Variants in ATP8A2 observed in about 807,000 individuals in gnomAD.
ATP8A2 encodes the protein ATPase phospholipid transporting 8A2, also known as phospholipid-transporting ATPase IB.
In ATP8A2, 100 loss-of-function variants were observed where a neutral mutation model predicts 165.6. The observed-to-expected ratio is 0.60, with a 90% confidence interval of 0.51 to 0.71. The LOEUF is 0.71. ATP8A2 is among the 30% of genes least tolerant of loss of function. The pLI, the probability that ATP8A2 is intolerant of heterozygous loss-of-function variation, is 0.00. For synonymous variants in ATP8A2, 543 were observed against 548.8 expected (o/e 0.99, Z 0.15); for missense variants, 1,227 against 1,479.5 (o/e 0.83, Z 2.80).
At chr13:25,824,999 T>A (rs1356219784) in intron 27 of ATP8A2, among the ~76,000 whole-genome samples, 1 of 152,018 alleles carries the variant, frequency 6.6e-6, no homozygotes, top group East Asian at 1.9e-4. Context: ...TTGAAAACTT[T>A]TTTTACTTGG....
intron 24 of ATP8A2, among the ~76,000 whole-genome samples, chr13:25,643,379 G>A (rs1321611379): frequency 6.6e-6 from 1 of 151,982 alleles, no homozygotes; most frequent in African/African-American, 2.4e-5. Flanking sequence ...GCAGTTTTTT[G>A]TTGTTATGAC....
intron 30 of ATP8A2, among the ~76,000 whole-genome samples, chr13:25,848,027 C>G (rs975312484): frequency 6.6e-6 from 1 of 152,216 alleles, no homozygotes; most frequent in African/African-American, 2.4e-5. Context: ...GCATACCTAC[C>G]CTGCCTCACC....
At chr13:25,508,672 G>A (rs922491311) in intron 2 of ATP8A2, among the ~76,000 whole-genome samples, 2 of 152,168 alleles carry the variant, frequency 1.3e-5, no homozygotes, top group African/African-American at 4.8e-5. Flanking sequence ...AGATGGAAAC[G>A]TATATAGGTT....
chr13:25,516,214 TC>T (rs2037463949), intron 2 of ATP8A2, among the ~76,000 whole-genome samples: 1 of 152,300 alleles, frequency 6.6e-6, no homozygotes, highest in Admixed American at 6.5e-5. Context: ...ATGTTGTAGT[TC>T]CTGAACCCTG....
At chr13:25,530,721 G>A in intron 4 of ATP8A2, 61 bp downstream of exon 4, 2 of 1,030,430 alleles carry the variant, frequency 1.9e-6, no homozygotes, top group Non-Finnish European at 2.9e-6. Context: ...CTTATGTGTT[G>A]CCTCGGGTGA....
At chr13:25,678,265 A>G (rs1243848568) in intron 24 of ATP8A2, among the ~76,000 whole-genome samples, 2 of 152,142 alleles carry the variant, frequency 1.3e-5, no homozygotes, top group Non-Finnish European at 2.9e-5. Context: ...GGGAAAACAG[A>G]GTTCTGTGTC....
At chr13:25,535,372 G>A (rs1408359898) in intron 6 of ATP8A2, among the ~76,000 whole-genome samples, 1 of 152,168 alleles carries the variant, frequency 6.6e-6, no homozygotes, top group Non-Finnish European at 1.5e-5. Flanking sequence ...TTGACTTCGA[G>A]AGGATCTTTC....
chr13:25,377,570 C>T (rs979819013), intron 1 of ATP8A2, among the ~76,000 whole-genome samples: 4 of 152,050 alleles, frequency 2.6e-5, no homozygotes, highest in Admixed American at 6.5e-5. Context: ...GAGGCCGAGA[C>T]GGGTGGATCA....
intron 1 of ATP8A2, among the ~76,000 whole-genome samples, chr13:25,411,505 C>T (rs538298586): frequency 6.6e-6 from 1 of 152,262 alleles, no homozygotes; most frequent in East Asian, 1.9e-4. Flanking sequence ...AGTTGTCTAT[C>T]TTGTCAGCAA....
chr13:25,378,137 A>G (rs537558161), intron 1 of ATP8A2, among the ~76,000 whole-genome samples: 1 of 152,070 alleles, frequency 6.6e-6, no homozygotes, highest in African/African-American at 2.4e-5. Context: ...AAAAGAGCAC[A>G]TGAATGATGC....
chr13:25,469,133 C>A lies in ATP8A2; in HGVS notation c.221+12C>A. 6.2e-7 allele frequency: 1 copy of A among 1,613,004 alleles called. No individual in the cohort carries two copies. Among genetic ancestry groups the A allele is most frequent in the South Asian group, 1.1e-5 (1 of 91,004 alleles). ...GACAACCAGATCAGGTAGGAGAAGGCGGCCGGCTCGCGCGGAAGGCGGTGG... is the reference window on the plus strand; with the variant it reads ...GACAACCAGATCAGGTAGGAGAAGGAGGCCGGCTCGCGCGGAAGGCGGTGG... On this transcript the variant is annotated intron_variant, in intron 2 of 36. Transcript: ENST00000381655.
chr13:25,578,844 A>G lies in ATP8A2; in HGVS notation c.1812A>G (p.Lys604=). ...ATGTGATTTTTGAGAGACTTTCAAA[A>G]GACTCAAAATATATGGAGGAAACAT... The part of the protein sequence containing the change: ...ADNVIFERLS[K]DSKYMEETLC... Residue 604 remains lysine (K), a synonymous_variant, in exon 21 of 37, where the codon AAA becomes AAG. Transcript: ENST00000381655. 6.2e-7 allele frequency: 1 copy of G among 1,609,392 alleles called. No homozygotes were observed. Among genetic ancestry groups the G allele is most frequent in the South Asian group, 1.1e-5 (1 of 90,970 alleles).
At chr13:25,720,148 C>T (rs189544473) in intron 25 of ATP8A2, among the ~76,000 whole-genome samples, 61 of 148,978 alleles carry the variant, frequency 4.1e-4, no homozygotes, top group African/African-American at 1.4e-3. Flanking sequence ...ACATGACCTC[C>T]GATAAATGTA....
chr13:25,883,204 TCC>T (rs1214144540), intron 33 of ATP8A2, among the ~76,000 whole-genome samples: 2 of 151,996 alleles, frequency 1.3e-5, no homozygotes, highest in Non-Finnish European at 2.9e-5. Flanking sequence ...GCTCTCCCTC[TCC>T]AGTGTGTGGC....
chr13:25,488,098 C>T lies in ATP8A2; in HGVS notation c.221+18977C>T, dbSNP rs550759309. On this transcript the variant is annotated intron_variant, in intron 2 of 36. Coordinates refer to ENST00000381655, the MANE Select transcript of ATP8A2 (RefSeq NM_016529.6). ...GACACAGTACAGTGGCCGTGGATAT[C>T]GTATATCCCTTCCTGTTTGACAGGT... is the stretch of plus-strand genomic sequence containing the variant. 2.4e-4 allele frequency among the ~76,000 whole-genome samples: 36 copies of T among 152,272 alleles called. No homozygotes were observed. In the South Asian group the frequency reaches 5.4e-3, roughly 23 times the overall value.
At chr13:25,433,147 AT>A (rs1241728444) in intron 1 of ATP8A2, among the ~76,000 whole-genome samples, 1 of 152,190 alleles carries the variant, frequency 6.6e-6, no homozygotes, top group Non-Finnish European at 1.5e-5. Context: ...GGTCAAAGGC[AT>A]TTTCCCATAG....
intron 2 of ATP8A2, among the ~76,000 whole-genome samples, chr13:25,487,407 T>G (rs1440888660): frequency 6.6e-6 from 1 of 152,216 alleles, no homozygotes; most frequent in Admixed American, 6.5e-5. Flanking sequence ...GCACTCCTGG[T>G]GATTTTGCTG....
At chr13:25,688,115 T>C (rs2042642820) in intron 24 of ATP8A2, among the ~76,000 whole-genome samples, 1 of 63,636 alleles carries the variant, frequency 1.6e-5, no homozygotes, top group African/African-American at 4.6e-5. Flanking sequence ...TTTCGTGCTG[T>C]TGTGTGGCTG....
chr13:25,838,563 AT>A (rs538099896), intron 29 of ATP8A2, among the ~76,000 whole-genome samples: 655 of 145,048 alleles, frequency 4.5e-3, no homozygotes, highest in Non-Finnish European at 4.5e-3. Context: ...ACTTTGAAGA[AT>A]TTTTTTTTTT....
Sources: gnomAD v4.1 joint callset for allele counts (sites outside exome capture counted in the v4.1 genomes callset) on GRCh38, gnomAD v4.1.1 for gene constraint, MANE v1.5 for transcripts, NCBI Gene and HGNC (gene_info 2026-07-23, HGNC 2026-07-21) for gene names.